Variants in MSH3 observed in about 807,000 individuals in gnomAD.
MSH3 encodes the protein DNA mismatch repair protein Msh3.
A neutral mutation model predicts 123.3 loss-of-function variants in MSH3; 106 were observed. The observed-to-expected ratio is 0.86, with a 90% CI of 0.73 to 1.01. MSH3 has a LOEUF of 1.01. MSH3 is among the 50% of genes least tolerant of loss of function. The pLI is 0.00. For missense variants in MSH3, 1,459 were observed against 1,347.6 expected, an observed-to-expected ratio of 1.08 and a Z score of -1.29; for synonymous variants, 515 against 481.4, an observed-to-expected ratio of 1.07 and a Z score of -0.91.
chr5:80,806,359 A>G (rs1402933146), intron 19 of MSH3, among the ~76,000 whole-genome samples: 3 of 152,238 alleles, frequency 2.0e-5, no homozygotes, highest in Admixed American at 6.5e-5. Context: ...GGCCTCCCAA[A>G]GTGCTGGGAT....
Position 80,816,497 on chromosome 5 carries a change from A to G in MSH3, c.2813+2756A>G, listed in dbSNP as rs1580068080. 3.3e-5 allele frequency among the ~76,000 whole-genome samples: 5 copies of G among 152,246 alleles called. No individual in the cohort carries two copies. The East Asian group carries it at 9.6e-4, about 29-fold the overall frequency. ...ATTCTAGGTGAAGCATAGCCATGTC[A>G]TTTTAGGAGTTTATCCTAAGAGCCA... On this transcript the variant is annotated intron_variant, in intron 20 of 23. Coordinates refer to ENST00000265081, the MANE Select transcript of MSH3 (RefSeq NM_002439.5).
At chr5:80,784,049 A>G (rs1580049065) in intron 17 of MSH3, among the ~76,000 whole-genome samples, 3 of 151,770 alleles carry the variant, frequency 2.0e-5, no homozygotes, top group Non-Finnish European at 4.4e-5. Flanking sequence ...GTCTCTACTA[A>G]AAGTACAAAA....
intron 10 of MSH3, among the ~76,000 whole-genome samples, chr5:80,739,447 T>G (rs1248533685): frequency 6.6e-6 from 1 of 152,216 alleles, no homozygotes; most frequent in African/African-American, 2.4e-5. Flanking sequence ...CCAACCTGGT[T>G]TTCCCTAGGA....
At chr5:80,842,087 G>T (rs1745636685) in intron 20 of MSH3, among the ~76,000 whole-genome samples, 1 of 152,126 alleles carries the variant, frequency 6.6e-6, no homozygotes, top group African/African-American at 2.4e-5. Flanking sequence ...TTTGTATAAG[G>T]TGTAAGGAAG....
intron 10 of MSH3, among the ~76,000 whole-genome samples, chr5:80,733,258 G>A (rs1179159746): frequency 1.3e-5 from 2 of 152,124 alleles, no homozygotes; most frequent in Admixed American, 1.3e-4. Context: ...AACAAATGGT[G>A]CCAAGATAAC....
chr5:80,761,931 A>G (rs993363773), intron 13 of MSH3, among the ~76,000 whole-genome samples: 1 of 152,140 alleles, frequency 6.6e-6, no homozygotes, highest in African/African-American at 2.4e-5. Context: ...GTTATAATAT[A>G]GGGTATTCTC....
chr5:80,671,450 T>C (rs1749721693), intron 4 of MSH3, among the ~76,000 whole-genome samples: 1 of 152,252 alleles, frequency 6.6e-6, no homozygotes, highest in Non-Finnish European at 1.5e-5. Context: ...TGCAATGTTC[T>C]GTGATATTAA....
At chr5:80,739,004 C>T (rs1239076066) in intron 10 of MSH3, among the ~76,000 whole-genome samples, 1 of 152,210 alleles carries the variant, frequency 6.6e-6, no homozygotes, top group African/African-American at 2.4e-5. Context: ...TGATTTTGGA[C>T]TTGACAGCCT....
intron 8 of MSH3, among the ~76,000 whole-genome samples, chr5:80,684,047 CTG>C (rs1484249286): frequency 5.4e-5 from 8 of 149,410 alleles, no homozygotes; most frequent in African/African-American, 2.0e-4. Context: ...GTCTGTGTGT[CTG>C]TTTTTATGCC....
At chr5:80,664,484 A>G (rs372636003) in intron 2 of MSH3, among the ~76,000 whole-genome samples, 1 of 79,768 alleles carries the variant, frequency 1.3e-5, no homozygotes. Flanking sequence ...TGTGTTCCTA[A>G]TCGTCCTTCT....
At position 80,778,923 on chromosome 5, in the gene MSH3, T is replaced by C. The variant is rs989726406; in HGVS notation, c.2435+87T>C. On this transcript the variant is annotated intron_variant, in intron 17 of 23. Coordinates refer to ENST00000265081, the MANE Select transcript of MSH3 (RefSeq NM_002439.5). ...CTTTCCATCAAAAAGAAAATAGAGA[T>C]TACAGCTCATGACCCACCATAAAAT... The C allele has an allele frequency of 1.1e-5, 9 of 794,884 alleles. No individual in the cohort carries two copies. The African/African-American group carries it at 1.5e-4, about 13-fold the overall frequency. 49.2% of individuals were successfully genotyped at this position (794,884 alleles called of 1,614,324 possible). A position where few individuals can be genotyped will look rare whatever the true frequency, so the allele number is the denominator to read the frequency against.
chr5:80,688,389 G>T (rs1199799308), intron 8 of MSH3, among the ~76,000 whole-genome samples: 2 of 152,126 alleles, frequency 1.3e-5, no homozygotes, highest in African/African-American at 4.8e-5. Flanking sequence ...ATCATCTGAG[G>T]TTTAACCAAA....
chr5:80,786,171 AT>A lies in MSH3; in HGVS notation c.2436-1392del, dbSNP rs560269824. ...AATTAATTAATTAATTAAAAAATAA[AT>A]TAAAAAAAAGTAGGCACCTTATTTC... On this transcript the variant is annotated intron_variant, in intron 17 of 23. Coordinates refer to ENST00000265081, the MANE Select transcript of MSH3 (RefSeq NM_002439.5). 2.0e-3 allele frequency among the ~76,000 whole-genome samples: 305 copies of A among 151,952 alleles called. 1 individual carries two copies. Among genetic ancestry groups the A allele is most frequent in the Middle Eastern group, 0.01 (3 of 294 alleles).
At chr5:80,729,394 C>T (rs1240199072) in intron 10 of MSH3, among the ~76,000 whole-genome samples, 3 of 121,994 alleles carry the variant, frequency 2.5e-5, no homozygotes, top group East Asian at 4.6e-4. Flanking sequence ...CCAGCCTGGG[C>T]GACAGCGAGA....
chr5:80,732,387 T>G (rs1743428065), intron 10 of MSH3, among the ~76,000 whole-genome samples: 1 of 152,064 alleles, frequency 6.6e-6, no homozygotes, highest in Non-Finnish European at 1.5e-5. Flanking sequence ...AAAGAAAACT[T>G]CTTATGATAA....
chr5:80,857,585 T>C (rs968355948), intron 21 of MSH3, among the ~76,000 whole-genome samples: 5 of 152,214 alleles, frequency 3.3e-5, no homozygotes, highest in Admixed American at 2.6e-4. Context: ...TCAGAATTTC[T>C]GTTTTTTTTC....
At chr5:80,732,464 C>T (rs1743429284) in intron 10 of MSH3, among the ~76,000 whole-genome samples, 2 of 152,104 alleles carry the variant, frequency 1.3e-5, no homozygotes, top group African/African-American at 4.8e-5. Context: ...ATATAAGCTA[C>T]TCTCATGACA....
At chr5:80,873,034 T>C (rs1746248141) in intron 22 of MSH3, 82 bp from the exon 23 acceptor site, 2 of 1,215,640 alleles carry the variant, frequency 1.6e-6, no homozygotes, top group African/African-American at 1.5e-5. Context: ...AATAAAGTTA[T>C]GAGAACTTAC....
At chr5:80,726,952 C>T (rs1743312735) in intron 9 of MSH3, among the ~76,000 whole-genome samples, 1 of 152,196 alleles carries the variant, frequency 6.6e-6, no homozygotes, top group South Asian at 2.1e-4. Flanking sequence ...TGGGATAGTC[C>T]TCACAGCAGA....
Sources: allele counts gnomAD v4.1 joint callset (sites outside exome capture counted in the v4.1 genomes callset), GRCh38; gene constraint gnomAD v4.1.1; transcripts MANE v1.5; gene names NCBI Gene and HGNC (gene_info 2026-07-23, HGNC 2026-07-21).